The following MED12L variants were observed in gnomAD, a reference collection of about 807,000 sequenced individuals.
MED12L encodes the protein mediator complex subunit 12L.
In MED12L, 60 loss-of-function variants were observed where a neutral mutation model predicts 281.3. The ratio of observed to expected loss-of-function variants is 0.21; its 90% CI spans 0.17 to 0.26. The LOEUF is 0.26. MED12L is among the 10% of genes least tolerant of loss of function. The probability of loss-of-function intolerance (pLI) is 1.00; values close to 1 mark genes in which losing one functional copy is unlikely to be tolerated. For missense variants in MED12L, 2,146 were observed against 2,680.9 expected (o/e 0.80, Z 4.41); for synonymous variants, 974 against 987.2 (o/e 0.99, Z 0.25).
At chr3:151,250,818 T>C (rs1204065149) in intron 16 of MED12L, among the ~76,000 whole-genome samples, 4 of 152,204 alleles carry the variant, frequency 2.6e-5, no homozygotes, top group African/African-American at 7.2e-5. Context: ...GGTAATCCTA[T>C]GTTAATTTTC....
intron 27 of MED12L, among the ~76,000 whole-genome samples, chr3:151,374,491 T>G (rs1011369958): frequency 6.6e-6 from 1 of 152,150 alleles, no homozygotes; most frequent in Non-Finnish European, 1.5e-5. Flanking sequence ...GAGGTTGCAG[T>G]GAGCCGAGAT....
chr3:151,364,455 A>G (rs1755034249), intron 21 of MED12L, among the ~76,000 whole-genome samples: 1 of 152,186 alleles, frequency 6.6e-6, no homozygotes. Flanking sequence ...ATGTAAGTTC[A>G]TTGAAGACAA....
At chr3:151,383,067 A>T (rs184290466) in intron 33 of MED12L, among the ~76,000 whole-genome samples, 1 of 151,838 alleles carries the variant, frequency 6.6e-6, no homozygotes, top group South Asian at 2.1e-4. Context: ...AGCTTCTACT[A>T]TACTTACTTA....
Position 151,237,174 on chromosome 3 carries a change from G to A in MED12L, c.2250+43508G>A, listed in dbSNP as rs566807813. 2.2e-4 allele frequency among the ~76,000 whole-genome samples: 34 copies of A among 151,348 alleles called. 1 individual carries two copies. In the South Asian group the frequency reaches 4.8e-3, roughly 21 times the overall value. ...CTGCCTCAGCCTCCATAGTAGCTGG[G>A]ACTACAGGTGCATGCCACCACGCCC... On this transcript the variant is annotated intron_variant, in intron 16 of 44. Transcript: ENST00000687756.
intron 16 of MED12L, chr3:151,197,948 G>A (rs573636797): frequency 6.5e-6 from 1 of 152,814 alleles, no homozygotes; most frequent in South Asian, 2.1e-4. Context: ...TGAAGTGATA[G>A]ATTAGAAATA....
intron 5 of MED12L, among the ~76,000 whole-genome samples, chr3:151,135,107 A>G (rs924429222): frequency 6.6e-6 from 1 of 150,464 alleles, no homozygotes; most frequent in African/African-American, 2.4e-5. Flanking sequence ...GCTCACGCCA[A>G]CCTCCGCTCT....
At chr3:151,172,479 T>A (rs1272765681) in intron 11 of MED12L, among the ~76,000 whole-genome samples, 1 of 152,340 alleles carries the variant, frequency 6.6e-6, no homozygotes, top group East Asian at 1.9e-4. Context: ...CACACACAGA[T>A]ACCCATCACG....
chr3:151,352,997 G>A (rs575928612), intron 17 of MED12L, among the ~76,000 whole-genome samples: 43 of 152,216 alleles, frequency 2.8e-4, no homozygotes, highest in Admixed American at 7.8e-4. Flanking sequence ...GTATTTCGTT[G>A]AGAATCACCA....
At chr3:151,111,370 TTGAACTGGGTTA>T (rs1225399526) in intron 2 of MED12L, among the ~76,000 whole-genome samples, 2 of 152,216 alleles carry the variant, frequency 1.3e-5, no homozygotes, top group Non-Finnish European at 2.9e-5. Context: ...TTATTTTTTT[TTGAACTGGGTTA>T]TGGAGATAAC....
At chr3:151,106,286 T>TCCTTTC (rs1388001692) in intron 2 of MED12L, among the ~76,000 whole-genome samples, 2 of 76,492 alleles carry the variant, frequency 2.6e-5, no homozygotes, top group African/African-American at 1.0e-4. Context: ...CCTTTCCTTT[T>TCCTTTC]CCTTTTCCTT....
intron 39 of MED12L, among the ~76,000 whole-genome samples, chr3:151,408,479 G>T (rs1716585205): frequency 6.7e-6 from 1 of 148,908 alleles, no homozygotes; most frequent in South Asian, 2.1e-4. Flanking sequence ...AGTAAGTCCT[G>T]AAAAAAAAAC....
At chr3:151,168,192 A>C (rs1720961453) in intron 11 of MED12L, among the ~76,000 whole-genome samples, 1 of 152,196 alleles carries the variant, frequency 6.6e-6, no homozygotes. Flanking sequence ...AATCACAGAT[A>C]TCTCCGGAGT....
chr3:151,329,488 A>G (rs1577345897), intron 16 of MED12L: 1 of 1,544,656 alleles, frequency 6.5e-7, no homozygotes, highest in South Asian at 1.2e-5. Flanking sequence ...CACCTTTGGG[A>G]GGATACTCAG....
chr3:151,306,714 C>G (rs954111831), intron 16 of MED12L, among the ~76,000 whole-genome samples: 3 of 152,310 alleles, frequency 2.0e-5, no homozygotes, highest in Non-Finnish European at 2.9e-5. Context: ...GCCGGTGTGC[C>G]CTGCCCTGCC....
At chr3:151,425,818 G>T in intron 43 of MED12L, 1 of 446,296 alleles carries the variant, frequency 2.2e-6, no homozygotes, top group Non-Finnish European at 4.5e-6. Flanking sequence ...GGATACAAAA[G>T]CAGTGATTCA....
intron 23 of MED12L, among the ~76,000 whole-genome samples, chr3:151,367,082 A>G (rs986372409): frequency 6.7e-6 from 1 of 150,318 alleles, no homozygotes; most frequent in Admixed American, 6.7e-5. Context: ...AAAGGTAAAG[A>G]TTTCACTGTG....
chr3:151,377,905 A>G (rs1711524560), intron 30 of MED12L, 107 bp from the exon 31 acceptor site: 2 of 1,083,362 alleles, frequency 1.8e-6, no homozygotes, highest in Admixed American at 5.6e-5. Context: ...ATTTTAGAAC[A>G]GTCTGTGTGT....
rs552056809 is a variant in MED12L at position 151,238,677 on chromosome 3, GACAT to G, written c.2250+45015_2250+45018del. On this transcript the variant is annotated intron_variant, in intron 16 of 44. Coordinates refer to ENST00000687756, the MANE Select transcript of MED12L (RefSeq NM_001393769.1). ...TGTTCATTGCATTTTATACCTTACT[GACAT>G]ACAATCTTAAACAAGAAAAGAAAAA... Among the ~76,000 whole-genome samples the G allele has an allele frequency of 5.3e-4, 73 of 136,824 alleles. 1 individual carries two copies. The highest frequency in any genetic ancestry group is 3.6e-3 in the Middle Eastern group (1 of 276). The allele number at this position is 136,824 out of a possible 152,430, so 89.8% of individuals were successfully genotyped here.
intron 16 of MED12L, chr3:151,198,407 A>G: frequency 6.4e-7 from 1 of 1,555,688 alleles, no homozygotes. Flanking sequence ...CAGAATTGGT[A>G]GCACAAAAAA....
Sources: gnomAD v4.1 joint callset for allele counts (sites outside exome capture counted in the v4.1 genomes callset) on GRCh38, gnomAD v4.1.1 for gene constraint, MANE v1.5 for transcripts, NCBI Gene and HGNC (gene_info 2026-07-23, HGNC 2026-07-21) for gene names.